SCYL1: variants seen among roughly 807,000 people sequenced by gnomAD.
SCYL1 encodes the protein N-terminal kinase-like protein.
SCYL1 carries 85 observed loss-of-function variants against 94.8 expected under a neutral mutation model. The observed-to-expected ratio is 0.90, with a 90% CI of 0.75 to 1.07. The LOEUF is 1.07. Among genes scored for constraint, SCYL1 ranks in the 50% least tolerant of loss-of-function variants. SCYL1 has a pLI of 0.00. For synonymous variants in SCYL1, 459 were observed against 435.5 expected (o/e 1.05, Z -0.67); for missense variants, 968 against 1,083.3 (o/e 0.89, Z 1.49).
In SCYL1 at chr11:65,532,824, A is replaced by C. The variant is rs1355726118; in HGVS notation, c.1230+19A>C. On this transcript the variant is annotated intron_variant, in intron 9 of 17. Transcript: ENST00000270176. ...GGTCAAGGTGGGTGTGGCCAGGCCCAGAGTGGCTACCCCTGGTTTTCCAAG... is the reference window on the plus strand; with the variant it reads ...GGTCAAGGTGGGTGTGGCCAGGCCCCGAGTGGCTACCCCTGGTTTTCCAAG... 14 of 1,592,960 alleles carry C rather than the reference A, an allele frequency of 8.8e-6. No homozygotes were observed. In the Admixed American group the frequency reaches 2.2e-4, roughly 25 times the overall value.
rs1261888646 is a variant in SCYL1, at chr11:65,527,066, C to T, written c.798C>T (p.Gly266=). The change falls in exon 6 of 18, where the codon GGC becomes GGT. Residue 266 remains glycine (G), a synonymous_variant. Coordinates refer to ENST00000270176, the MANE Select transcript of SCYL1 (RefSeq NM_020680.4). ...TGCAGAACTGCCGGGCACCTGGTGGCTTCATGAGCAACCGCTTTGTAGAAA... is the reference window on the plus strand; with the variant it reads ...TGCAGAACTGCCGGGCACCTGGTGGTTTCATGAGCAACCGCTTTGTAGAAA... ...RFLQNCRAPG[G]FMSNRFVETN... 1.2e-6 allele frequency: 2 copies of T among 1,613,644 alleles called. No homozygotes were observed. Among genetic ancestry groups the T allele is most frequent in the Non-Finnish European group, 1.7e-6 (2 of 1,179,994 alleles).
At chr11:65,529,069 C>T (rs11602375) in intron 6 of SCYL1, among the ~76,000 whole-genome samples, 8,357 of 152,212 alleles carry the variant, frequency 0.055, 298 homozygotes, top group South Asian at 0.15. Context: ...TATGCAATGC[C>T]CGGCCCCAGC....
Position 65,535,882 on chromosome 11 carries a change from G to A in SCYL1, c.1387-71G>A, listed in dbSNP as rs117707504. ...CCTATGGGTGGTCCCATTCTGGGAA[G>A]TAAGGGCTGGTGGTTCTGGGTCCCA... On this transcript the variant is annotated intron_variant, in intron 10 of 17. Coordinates refer to ENST00000270176, the MANE Select transcript of SCYL1 (RefSeq NM_020680.4). 7.5e-4 allele frequency: 1,081 copies of A among 1,439,564 alleles called. 1 individual carries two copies. Among genetic ancestry groups the A allele is most frequent in the Non-Finnish European group, 8.9e-4 (951 of 1,067,358 alleles). The allele number at this position is 1,439,564 out of a possible 1,614,324, so 89.2% of individuals were successfully genotyped here. A position where few individuals can be genotyped will look rare whatever the true frequency, so the allele number is the denominator to read the frequency against.
In SCYL1 at chr11:65,536,703, C is replaced by T; in HGVS notation, c.1769C>T (p.Thr590Ile). ...LTSKLIRSHPTTAPTETNIPQ... is the reference protein window; with the variant it reads ...LTSKLIRSHPITAPTETNIPQ... The stretch of plus-strand genomic sequence containing the variant: ...TCCAAGCTGATCCGTTCGCACCCAA[C>T]CACTGCCCCAACAGAAACCAACATT... The change falls in exon 13 of 18, where the codon ACC (threonine) becomes ATC (isoleucine). Residue 590 changes from threonine (T) to isoleucine (I), a missense_variant. By Grantham distance (89) the Thr-to-Ile change is moderately conservative. This residue lies in a region of SCYL1 where 474 missense variants were observed against 463.6 expected (regional missense o/e 1.02). Coordinates refer to ENST00000270176, the MANE Select transcript of SCYL1 (RefSeq NM_020680.4). 8 of 1,611,898 alleles carry T rather than the reference C, an allele frequency of 5.0e-6. No individual in the cohort carries two copies. Among genetic ancestry groups the T allele is most frequent in the Non-Finnish European group, 6.8e-6 (8 of 1,178,226 alleles).
In SCYL1 at chr11:65,536,751, G is replaced by A; in HGVS notation, c.1816+1G>A. On this transcript the variant is annotated splice_donor_variant, in intron 13 of 17. Coordinates refer to ENST00000270176, the MANE Select transcript of SCYL1 (RefSeq NM_020680.4). LOFTEE classifies it high-confidence loss of function. ...ATTCCCCAAAGACCCACGCCTGAAG[G>A]TGAGTGTCCTGGCCTAGCTGCATCA... The A allele has an allele frequency of 6.3e-7, 1 of 1,597,586 alleles. No individual in the cohort carries two copies. Among genetic ancestry groups the A allele is most frequent in the Non-Finnish European group, 8.6e-7 (1 of 1,168,186 alleles).
intron 12 of SCYL1, 86 bp from the exon 13 acceptor site, chr11:65,536,500 T>C (rs1260599303): frequency 6.7e-6 from 10 of 1,499,412 alleles, no homozygotes; most frequent in Non-Finnish European, 9.2e-6. Context: ...GAGGGGTGGC[T>C]GCAGGGCACT....
At chr11:65,537,544 C>T (rs1316112315) in intron 14 of SCYL1, among the ~76,000 whole-genome samples, 1 of 152,024 alleles carries the variant, frequency 6.6e-6, no homozygotes, top group East Asian at 1.9e-4. Context: ...AGCTGGGGGC[C>T]CAATTTCCCC....
In SCYL1 at chr11:65,525,103, G is replaced by GCCGGAGGAC; in HGVS notation, c.-44_-36dup. The GCCGGAGGAC allele has an allele frequency of 8.1e-7, 1 of 1,229,232 alleles. No individual in the cohort carries two copies. The highest frequency in any genetic ancestry group is 1.0e-6 in the Non-Finnish European group (1 of 960,064). The allele number at this position is 1,229,232 out of a possible 1,614,324, so 76.1% of individuals were successfully genotyped here. ...TCTCCGCCCCGCCCCGGCTCGGGCG[G>GCCGGAGGAC]CCGGAGGACCCGGAGCTAAGGCGCC... On this transcript the variant is annotated 5_prime_UTR_variant, in exon 1 of 18. Coordinates refer to ENST00000270176, the MANE Select transcript of SCYL1 (RefSeq NM_020680.4).
In SCYL1 at chr11:65,531,649, C is replaced by T. The variant is rs1855368599; in HGVS notation, c.1082C>T (p.Thr361Ile). Residue 361 changes from threonine (T) to isoleucine (I), a missense_variant, in exon 8 of 18, where the codon ACT becomes ATT. Around this residue, in one of 2 missense-constraint regions of SCYL1, gnomAD observed 494 missense variants for 619.7 expected, o/e 0.80. Coordinates refer to ENST00000270176, the MANE Select transcript of SCYL1 (RefSeq NM_020680.4). Reference protein sequence around the residue: ...IPVVVKMFSSTDRAMRIRLLQ... With the variant: ...IPVVVKMFSSIDRAMRIRLLQ... ...GTGGTGGTCAAGATGTTCTCATCCA[C>T]TGACCGGGCCATGCGCATCCGCCTC... The T allele has an allele frequency of 6.2e-7, 1 of 1,613,810 alleles. No homozygotes were observed. Among genetic ancestry groups the T allele is most frequent in the African/African-American group, 1.3e-5 (1 of 74,926 alleles).
chr11:65,537,743 T>C lies in SCYL1; in HGVS notation c.1960-66T>C, dbSNP rs373522232. 18 of 1,390,162 alleles carry C rather than the reference T, an allele frequency of 1.3e-5. No homozygotes were observed. In the African/African-American group the frequency reaches 2.3e-4, roughly 18 times the overall value. 86.1% of individuals were successfully genotyped at this position (1,390,162 alleles called of 1,614,324 possible). ...GTGGTGGGGCCCGTGGCTGGGATGA[T>C]GCTGGGGCGGGCTCACTTGCCCTTT... On this transcript the variant is annotated intron_variant, in intron 14 of 17. Transcript: ENST00000270176.
intron 6 of SCYL1, among the ~76,000 whole-genome samples, chr11:65,529,659 C>A (rs1049780772): frequency 2.0e-5 from 3 of 152,212 alleles, no homozygotes; most frequent in African/African-American, 7.2e-5. Flanking sequence ...GGTGGTGGTA[C>A]AACAGAGAGC....
chr11:65,531,785 C>A, intron 8 of SCYL1, 102 bp downstream of exon 8: 1 of 803,720 alleles, frequency 1.2e-6, no homozygotes, highest in Non-Finnish European at 2.1e-6. Context: ...GAAACCCCAC[C>A]CCTGAACATA....
rs529919080 is a variant in SCYL1 at position 65,527,296 on chromosome 11, G to A, written c.849+179G>A. Among the ~76,000 whole-genome samples the A allele has an allele frequency of 5.9e-5, 9 of 152,246 alleles. No individual in the cohort carries two copies. The South Asian group carries it at 6.2e-4, about 11-fold the overall frequency. ...TACTCTGTGACTTCCCTTGGCTGAA[G>A]TTCAGTCCCAATAATAGTACAGGTT... On this transcript the variant is annotated intron_variant, in intron 6 of 17. Transcript: ENST00000270176.
intron 17 of SCYL1, 22 bp from the exon 18 acceptor site, chr11:65,538,420 G>A (rs1162910451): frequency 6.5e-7 from 1 of 1,544,008 alleles, no homozygotes; most frequent in African/African-American, 1.4e-5. Flanking sequence ...GCTGAGACCG[G>A]GGCTCCCCTT....
chr11:65,537,546 A>T (rs1278210203), intron 14 of SCYL1, among the ~76,000 whole-genome samples: 1 of 151,968 alleles, frequency 6.6e-6, no homozygotes, highest in Non-Finnish European at 1.5e-5. Flanking sequence ...CTGGGGGCCC[A>T]ATTTCCCCAT....
intron 9 of SCYL1, among the ~76,000 whole-genome samples, chr11:65,534,205 TG>T (rs1357076273): frequency 2.6e-5 from 4 of 151,686 alleles, no homozygotes; most frequent in African/African-American, 7.3e-5. Context: ...CACTCCAGCC[TG>T]GGCAACAGAG....
At chr11:65,530,143 C>T (rs1855294629) in intron 6 of SCYL1, among the ~76,000 whole-genome samples, 2 of 152,268 alleles carry the variant, frequency 1.3e-5, no homozygotes, top group Admixed American at 1.3e-4. Context: ...CCACGGCCTA[C>T]CAGGAACTTC....
At chr11:65,530,256 GC>G (rs540991486) in intron 6 of SCYL1, among the ~76,000 whole-genome samples, 189 of 152,258 alleles carry the variant, frequency 1.2e-3, no homozygotes, top group Non-Finnish European at 7.4e-5. Context: ...AGCAGTAGAG[GC>G]AACACTGATA....
rs1361042462 is a variant in SCYL1 at position 65,536,258 on chromosome 11, G to T, written c.1576-1G>T. On this transcript the variant is annotated splice_acceptor_variant, in intron 11 of 17. Transcript: ENST00000270176. LOFTEE classifies it high-confidence loss of function. ...CCCAGCTCTGCCTCGTTACCCCACA[G>T]GCCTTCAAGGCCATTCGGAGCTTCC... 1 of 1,613,720 alleles carries T rather than the reference G, an allele frequency of 6.2e-7. No individual in the cohort carries two copies. The highest frequency in any genetic ancestry group is 8.5e-7 in the Non-Finnish European group (1 of 1,179,742).
Sources: gnomAD v4.1 joint callset for allele counts (sites outside exome capture counted in the v4.1 genomes callset) on GRCh38, gnomAD v4.1.1 for gene constraint, gnomAD v4.1.1 regional missense constraint, MANE v1.5 for transcripts, NCBI Gene and HGNC (gene_info 2026-07-23, HGNC 2026-07-21) for gene names.